CYP2B6: variants seen among roughly 807,000 people sequenced by gnomAD.
CYP2B6 encodes cytochrome P450 2B6.
A neutral mutation model predicts 43.4 loss-of-function variants in CYP2B6; 35 were observed. The observed-to-expected ratio is 0.81, with a 90% CI of 0.62 to 1.07. CYP2B6 has a LOEUF of 1.07. Among genes scored for constraint, CYP2B6 ranks in the 50% least tolerant of loss-of-function variants. CYP2B6 has a pLI of 0.00. For missense variants in CYP2B6, 624 were observed against 632.8 expected (o/e 0.99, Z 0.15); for synonymous variants, 239 against 239.2 (o/e 1.00, Z 0.01).
Position 40,991,319 on chromosome 19 carries a change from T to A in CYP2B6, c.14T>A (p.Val5Asp), listed in dbSNP as rs1287423251. MELS[V>D]LLFLALLTGL... Reference sequence around the variant, plus strand: ...CAGACCAGGACCATGGAACTCAGCGTCCTCCTCTTCCTTGCACTCCTCACA... The same window carrying A: ...CAGACCAGGACCATGGAACTCAGCGACCTCCTCTTCCTTGCACTCCTCACA... The change falls in exon 1 of 9, where the codon GTC becomes GAC. Residue 5 changes from valine (V) to aspartate (D), a missense_variant. Physicochemically the swap from Val to Asp is radical, Grantham distance 152. Transcript: ENST00000324071. The A allele has an allele frequency of 6.2e-7, 1 of 1,614,062 alleles. No individual in the cohort carries two copies. Among genetic ancestry groups the A allele is most frequent in the Admixed American group, 1.7e-5 (1 of 60,012 alleles).
intron 8 of CYP2B6, among the ~76,000 whole-genome samples, chr19:41,015,016 A>T (rs186522185): frequency 3.3e-5 from 5 of 152,280 alleles, no homozygotes; most frequent in Admixed American, 1.3e-4. Flanking sequence ...AGAGAAAGAG[A>T]TTGGGGAGAA....
chr19:41,014,378 T>C (rs917119247), intron 8 of CYP2B6, among the ~76,000 whole-genome samples: 36 of 151,934 alleles, frequency 2.4e-4, no homozygotes, highest in African/African-American at 8.7e-4. Context: ...CGATCACAGC[T>C]CACTGCAACC....
rs1968917312 is a variant in CYP2B6 at position 40,991,374 on chromosome 19, C to T, written c.69C>T (p.His23=). The T allele has an allele frequency of 3.7e-6, 6 of 1,614,006 alleles. No individual in the cohort carries two copies. The highest frequency in any genetic ancestry group is 4.2e-6 in the Non-Finnish European group (5 of 1,180,038). ...TGLLLLLVQR[H]PNTHDRLPPG... ...TCTTGCTACTCCTGGTTCAGCGCCACCCTAACACCCATGACCGCCTCCCAC... is the reference window on the plus strand; with the variant it reads ...TCTTGCTACTCCTGGTTCAGCGCCATCCTAACACCCATGACCGCCTCCCAC... The change falls in exon 1 of 9, where the codon CAC becomes CAT. Residue 23 remains histidine, a synonymous_variant. Coordinates refer to ENST00000324071, the MANE Select transcript of CYP2B6 (RefSeq NM_000767.5).
intron 3 of CYP2B6, among the ~76,000 whole-genome samples, chr19:41,005,275 G>T (rs189336108): frequency 8.5e-5 from 13 of 152,124 alleles, no homozygotes; most frequent in Admixed American, 3.9e-4. Flanking sequence ...TAGGTGAAGG[G>T]TCTCTGGCTA....
At chr19:41,006,325 A>ATTTTTTT (rs35039672) in intron 3 of CYP2B6, among the ~76,000 whole-genome samples, 2 of 118,538 alleles carry the variant, frequency 1.7e-5, no homozygotes, top group African/African-American at 6.6e-5. Context: ...GTCTAGCTAC[A>ATTTTTTT]TTTTTTTTTT....
At chr19:41,007,657 G>T (rs1041645309) in intron 4 of CYP2B6, 1 of 152,638 alleles carries the variant, frequency 6.6e-6, no homozygotes, top group Non-Finnish European at 1.4e-5. Context: ...ACAGAGCCTC[G>T]CTCTGTTGCC....
intron 1 of CYP2B6, among the ~76,000 whole-genome samples, chr19:40,999,641 A>G (rs1434814468): frequency 6.6e-6 from 1 of 152,058 alleles, no homozygotes; most frequent in Non-Finnish European, 1.5e-5. Context: ...CTACCTTATT[A>G]GTTCATAGAA....
chr19:41,016,124 T>C (rs146347104), intron 8 of CYP2B6, among the ~76,000 whole-genome samples: 202 of 151,912 alleles, frequency 1.3e-3, no homozygotes, highest in African/African-American at 4.7e-3. Flanking sequence ...TGGCGCCGGG[T>C]GCAGTGGCTC....
At chr19:41,003,826 G>T in intron 1 of CYP2B6, 175 bp from the exon 2 acceptor site, 1 of 827,906 alleles carries the variant, frequency 1.2e-6, no homozygotes, top group Admixed American at 2.0e-5. Flanking sequence ...CTCTCCCTTG[G>T]ACAGCGTTAA....
At chr19:40,992,360 T>C (rs1231069635) in intron 1 of CYP2B6, among the ~76,000 whole-genome samples, 1 of 152,222 alleles carries the variant, frequency 6.6e-6, no homozygotes, top group East Asian at 1.9e-4. Flanking sequence ...CAACATTACT[T>C]CTGTCACCAT....
At chr19:41,003,575 A>G (rs762634504) in intron 1 of CYP2B6, among the ~76,000 whole-genome samples, 4 of 152,170 alleles carry the variant, frequency 2.6e-5, no homozygotes, top group Admixed American at 1.3e-4. Context: ...TATTTTATCA[A>G]CCATCTTTAC....
At chr19:40,994,900 C>G (rs1968978927) in intron 1 of CYP2B6, among the ~76,000 whole-genome samples, 1 of 152,082 alleles carries the variant, frequency 6.6e-6, no homozygotes, top group African/African-American at 2.4e-5. Flanking sequence ...TCTAGAATAT[C>G]AAGATATAGC....
At chr19:41,001,414 G>A (rs1348445835) in intron 1 of CYP2B6, among the ~76,000 whole-genome samples, 1 of 152,096 alleles carries the variant, frequency 6.6e-6, no homozygotes, top group Non-Finnish European at 1.5e-5. Flanking sequence ...ATGAGCAAGT[G>A]TGCATCAGGG....
rs141666881 is a variant in CYP2B6, at chr19:41,004,435, G to A, written c.473G>A (p.Arg158Gln). The change falls in exon 3 of 9, where the codon CGG becomes CAG. Residue 158 changes from arginine to glutamine, a missense_variant. Arg to Gln is a conservative substitution (Grantham distance 43). Transcript: ENST00000324071. ...GCTCAGTGTCTGATAGAGGAGCTTCGGAAATCCAAGGGTGAGTCCTGGGGG... is the reference window on the plus strand; with the variant it reads ...GCTCAGTGTCTGATAGAGGAGCTTCAGAAATCCAAGGGTGAGTCCTGGGGG... ...EEAQCLIEELRKSKGALMDPT... is the reference protein window; with the variant it reads ...EEAQCLIEELQKSKGALMDPT... 1.5e-4 allele frequency: 250 copies of A among 1,613,718 alleles called. 4 individuals are homozygous for A. The African/African-American group carries it at 2.1e-3, about 14-fold the overall frequency.
intron 5 of CYP2B6, 148 bp from the exon 6 acceptor site, chr19:41,009,846 G>A (rs1338919510): frequency 2.6e-6 from 2 of 779,920 alleles, no homozygotes; most frequent in Non-Finnish European, 4.4e-6. Flanking sequence ...ATACGCGGTT[G>A]GATGTGTAGA....
chr19:41,016,623 C>T (rs1280092106), intron 8 of CYP2B6, 23 bp from the exon 9 acceptor site: 1 of 1,613,772 alleles, frequency 6.2e-7, no homozygotes, highest in Non-Finnish European at 8.5e-7. Context: ...TGTGCCCACA[C>T]TGGTGACCTT....
intron 8 of CYP2B6, among the ~76,000 whole-genome samples, chr19:41,016,433 A>AAAAAGAGAGAG (rs1568564700): frequency 2.0e-5 from 2 of 98,952 alleles, no homozygotes; most frequent in African/African-American, 8.4e-5. Context: ...AAAAAAAAAA[A>AAAAAGAGAGAG]AGAGAGAGAG....
intron 6 of CYP2B6, 131 bp from the exon 7 acceptor site, chr19:41,012,167 C>T: frequency 1.2e-6 from 1 of 832,862 alleles, no homozygotes; most frequent in East Asian, 2.6e-5. Context: ...CCAGGCTCAT[C>T]TTGAACTCCT....
At chr19:41,004,203 G>GGGGGGGGGGT in intron 2 of CYP2B6, 40 bp downstream of exon 2, 2 of 1,551,898 alleles carry the variant, frequency 1.3e-6, no homozygotes, top group African/African-American at 1.4e-5. Flanking sequence ...CGGGTGGGGG[G>GGGGGGGGGGT]TGCATCAGGG....
Sources: allele counts gnomAD v4.1 joint callset (sites outside exome capture counted in the v4.1 genomes callset), GRCh38; gene constraint gnomAD v4.1.1; transcripts MANE v1.5; gene names NCBI Gene and HGNC (gene_info 2026-07-23, HGNC 2026-07-21).